TNIK: variants seen among roughly 807,000 people sequenced by gnomAD.
The protein encoded by TNIK is TRAF2 and NCK-interacting protein kinase.
A neutral mutation model predicts 191.3 loss-of-function variants in TNIK; 49 were observed. The observed-to-expected ratio is 0.26, with a 90% CI of 0.20 to 0.32. The LOEUF is 0.32. Among genes scored for constraint, TNIK ranks in the 10% least tolerant of loss-of-function variants. The pLI, the probability that TNIK is intolerant of heterozygous loss-of-function variation, is 1.00. For missense variants in TNIK, 1,155 were observed against 1,702.3 expected, an observed-to-expected ratio of 0.68 and a Z score of 5.66; for synonymous variants, 594 against 600.9, an observed-to-expected ratio of 0.99 and a Z score of 0.17.
chr3:171,126,207 A>C, intron 16 of TNIK, 56 bp from the exon 17 acceptor site: 1 of 1,482,516 alleles, frequency 6.7e-7, no homozygotes, highest in Non-Finnish European at 8.9e-7. Context: ...GAGATCAGCC[A>C]GTACCTCAGT....
At chr3:171,123,439 TA>T (rs1728037861) in intron 18 of TNIK, among the ~76,000 whole-genome samples, 156 bp downstream of exon 18, 1 of 152,228 alleles carries the variant, frequency 6.6e-6, no homozygotes, top group Admixed American at 6.5e-5. Context: ...ACTGAAGAAA[TA>T]AAAGGCATGT....
intron 1 of TNIK, among the ~76,000 whole-genome samples, chr3:171,370,472 A>G (rs2108494310): frequency 6.6e-6 from 1 of 152,322 alleles, no homozygotes; most frequent in East Asian, 1.9e-4. Flanking sequence ...GAAAAGAAAA[A>G]TCAAAGCCAA....
At chr3:171,225,134 C>T (rs1048163676) in intron 3 of TNIK, among the ~76,000 whole-genome samples, 2 of 152,072 alleles carry the variant, frequency 1.3e-5, no homozygotes, top group Non-Finnish European at 2.9e-5. Flanking sequence ...ACAGAGCAAC[C>T]ATAATGAGTA....
chr3:171,104,556 ATCAACTAGATATAAT>A (rs1483867451), intron 21 of TNIK, among the ~76,000 whole-genome samples: 121 of 152,286 alleles, frequency 7.9e-4, no homozygotes, highest in African/African-American at 2.9e-3. Context: ...AGTTTTTAGA[ATCAACTAGATATAAT>A]TTTTCATTCA....
At chr3:171,085,886 C>T (rs1721295309) in intron 24 of TNIK, among the ~76,000 whole-genome samples, 1 of 152,266 alleles carries the variant, frequency 6.6e-6, no homozygotes, top group East Asian at 1.9e-4. Flanking sequence ...GAGCAATGTA[C>T]CTTGAAGGCT....
chr3:171,192,008 T>C (rs1166851776), intron 5 of TNIK, among the ~76,000 whole-genome samples: 1 of 152,146 alleles, frequency 6.6e-6, no homozygotes, highest in Non-Finnish European at 1.5e-5. Context: ...AAAATCATGG[T>C]ATGAAAAATG....
intron 2 of TNIK, among the ~76,000 whole-genome samples, chr3:171,292,573 A>G (rs563502441): frequency 9.6e-4 from 146 of 152,212 alleles, no homozygotes; most frequent in Non-Finnish European, 1.7e-3. Context: ...TCAGGAGCTC[A>G]AGACCATCCT....
chr3:171,126,549 T>C (rs765472714), intron 16 of TNIK, among the ~76,000 whole-genome samples: 2 of 152,200 alleles, frequency 1.3e-5, no homozygotes, highest in Non-Finnish European at 2.9e-5. Flanking sequence ...AAACAAAAAC[T>C]GCTCTAAATA....
intron 2 of TNIK, among the ~76,000 whole-genome samples, chr3:171,319,060 T>G (rs910990898): frequency 1.3e-5 from 2 of 152,068 alleles, no homozygotes; most frequent in African/African-American, 4.8e-5. Context: ...GCACCTATAG[T>G]CCTATTTACT....
At chr3:171,337,370 A>G (rs893552805) in intron 2 of TNIK, among the ~76,000 whole-genome samples, 1 of 152,238 alleles carries the variant, frequency 6.6e-6, no homozygotes, top group Non-Finnish European at 1.5e-5. Flanking sequence ...TTGAACAGGG[A>G]GAAAGCAAAA....
intron 28 of TNIK, among the ~76,000 whole-genome samples, chr3:171,078,894 A>G (rs1316568565): frequency 2.0e-5 from 3 of 152,198 alleles, no homozygotes; most frequent in Non-Finnish European, 4.4e-5. Flanking sequence ...TATTCCCAGC[A>G]TCATATTGGC....
intron 1 of TNIK, among the ~76,000 whole-genome samples, chr3:171,400,434 T>C (rs1047673424): frequency 3.3e-5 from 5 of 152,016 alleles, no homozygotes; most frequent in African/African-American, 1.2e-4. Context: ...CTGAGCATGG[T>C]AGTGCATTCC....
chr3:171,161,734 T>C (rs1242756955), intron 10 of TNIK, among the ~76,000 whole-genome samples: 3 of 149,570 alleles, frequency 2.0e-5, no homozygotes, highest in Non-Finnish European at 4.5e-5. Flanking sequence ...CTGGCTAACA[T>C]GGCAAAACCC....
intron 1 of TNIK, among the ~76,000 whole-genome samples, chr3:171,422,725 T>G (rs1394959409): frequency 2.0e-5 from 3 of 152,218 alleles, no homozygotes; most frequent in African/African-American, 7.2e-5. Flanking sequence ...CCAATAAAAC[T>G]GTGTTAAAAA....
At chr3:171,144,319 A>G (rs768866782) in intron 12 of TNIK, among the ~76,000 whole-genome samples, 25 of 152,132 alleles carry the variant, frequency 1.6e-4, no homozygotes, top group Non-Finnish European at 2.8e-4. Context: ...GCCTTACTCT[A>G]TGGAGTAGAT....
intron 2 of TNIK, among the ~76,000 whole-genome samples, chr3:171,263,894 C>T (rs187883909): frequency 2.9e-4 from 44 of 151,910 alleles, no homozygotes; most frequent in Non-Finnish European, 5.0e-4. Flanking sequence ...CTGGCAGGAA[C>T]ACAAATGTTT....
At chr3:171,255,645 A>C (rs1348274987) in intron 2 of TNIK, among the ~76,000 whole-genome samples, 11 of 152,226 alleles carry the variant, frequency 7.2e-5, no homozygotes, top group Non-Finnish European at 1.6e-4. Context: ...AAATGAATTC[A>C]AGCTGAGGTG....
intron 12 of TNIK, among the ~76,000 whole-genome samples, chr3:171,150,648 G>T (rs567634387): frequency 2.0e-5 from 3 of 152,298 alleles, no homozygotes; most frequent in Admixed American, 6.5e-5. Context: ...CCAGGGGAAG[G>T]TTCTCTAGGT....
chr3:171,219,218 TTA>T (rs1362063573), intron 3 of TNIK, among the ~76,000 whole-genome samples: 1 of 136,044 alleles, frequency 7.4e-6, no homozygotes. Context: ...CATTACTAAA[TTA>T]TATATATTAT....
Sources: gnomAD v4.1 joint callset for allele counts (sites outside exome capture counted in the v4.1 genomes callset) on GRCh38, gnomAD v4.1.1 for gene constraint, MANE v1.5 for transcripts, NCBI Gene and HGNC (gene_info 2026-07-23, HGNC 2026-07-21) for gene names.